Variants in XAF1 observed in about 807,000 individuals in gnomAD.
XAF1 encodes the protein XIAP associated factor 1.
XAF1 carries 32 observed loss-of-function variants against 32.3 expected under a neutral mutation model. That is an observed-to-expected ratio of 0.99 (90% confidence interval 0.75 to 1.33). The LOEUF (loss-of-function observed/expected upper bound fraction) is 1.33. Ranked by LOEUF, XAF1 falls within the 40% of genes most tolerant of loss-of-function variation. The pLI, the probability that XAF1 is intolerant of heterozygous loss-of-function variation, is 0.00. For synonymous variants in XAF1, 120 were observed against 125.9 expected (o/e 0.95, Z 0.31); for missense variants, 379 against 366.0 (o/e 1.04, Z -0.29).
At chr17:6,758,413 A>G in intron 2 of XAF1, 189 bp downstream of exon 2, 1 of 837,628 alleles carries the variant, frequency 1.2e-6, no homozygotes, top group East Asian at 2.8e-5. Flanking sequence ...AGTCAAGGCG[A>G]GTGTTCAGTC....
rs1300285412 is a variant in XAF1 at position 6,762,188 on chromosome 17, A to G, written c.455A>G (p.Tyr152Cys). The G allele has an allele frequency of 6.2e-6, 10 of 1,613,802 alleles. No homozygotes were observed. Among genetic ancestry groups the G allele is most frequent in the Non-Finnish European group, 8.5e-6 (10 of 1,179,820 alleles). The change falls in exon 5 of 7, where the codon TAC (tyrosine) becomes TGC (cysteine). Residue 152 changes from tyrosine to cysteine, a missense_variant. By Grantham distance (194) the Tyr-to-Cys change is radical. Transcript: ENST00000361842. ...ERISAPEREIYCHYCNQMIPE... is the reference protein window; with the variant it reads ...ERISAPEREICCHYCNQMIPE... ...ATTTCAGCTCCTGAAAGGGAAATCT[A>G]CTGTCATTATTGCAACCAAATGATT... is the stretch of plus-strand genomic sequence containing the variant.
chr17:6,758,997 C>A, intron 2 of XAF1: 1 of 356,254 alleles, frequency 2.8e-6, no homozygotes, highest in Non-Finnish European at 4.4e-6. Flanking sequence ...GTTCCATCCT[C>A]CCTGCAAGAA....
chr17:6,763,397 G>A (rs1452924558), intron 5 of XAF1, among the ~76,000 whole-genome samples: 17 of 152,034 alleles, frequency 1.1e-4, no homozygotes, highest in Middle Eastern at 3.4e-3. Context: ...GCGTGATCTC[G>A]GCTCACTGCA....
chr17:6,760,131 C>T (rs577208967), intron 3 of XAF1, among the ~76,000 whole-genome samples: 5 of 152,140 alleles, frequency 3.3e-5, no homozygotes, highest in African/African-American at 7.2e-5. Flanking sequence ...GGGTGGATCA[C>T]GAGGTCAGGA....
At chr17:6,770,591 A>G (rs903041385) in intron 5 of XAF1, 52 bp from the exon 6 acceptor site, 21 of 1,426,624 alleles carry the variant, frequency 1.5e-5, no homozygotes, top group Non-Finnish European at 1.8e-5. Context: ...GTATTTTCTG[A>G]CCATTAAAGC....
At chr17:6,764,214 A>G (rs1361671447) in intron 5 of XAF1, among the ~76,000 whole-genome samples, 1 of 152,228 alleles carries the variant, frequency 6.6e-6, no homozygotes, top group Non-Finnish European at 1.5e-5. Flanking sequence ...AAAAGAAGAC[A>G]TCCACAACCA....
Position 6,770,849 on chromosome 17 carries a change from C to T in XAF1, c.714C>T (p.Thr238=), listed in dbSNP as rs745889233. The T allele has an allele frequency of 2.2e-5, 35 of 1,613,954 alleles. No homozygotes were observed. In the South Asian group the frequency reaches 3.2e-4, roughly 15 times the overall value. The change falls in exon 6 of 7, where the codon ACC becomes ACT. Residue 238 remains threonine, a synonymous_variant. Transcript: ENST00000361842. ...SKKAPRSKNK[T]LDPLLMSEPK... is the part of the protein sequence containing the mutation. ...AAGCACCAAGAAGCAAAAACAAAAC[C>T]TTGGATCCACTTTTGATGTCAGAGC...
intron 4 of XAF1, chr17:6,761,933 G>T: frequency 6.6e-7 from 1 of 1,515,104 alleles, no homozygotes; most frequent in Non-Finnish European, 8.8e-7. Context: ...GGTTGCTGCT[G>T]CCCTGAGTGC....
chr17:6,765,683 ACTTCTCT>A, intron 5 of XAF1, among the ~76,000 whole-genome samples: 1 of 152,034 alleles, frequency 6.6e-6, no homozygotes, highest in Non-Finnish European at 1.5e-5. Flanking sequence ...TTCACTCTCG[ACTTCTCT>A]TTCCCTCCGC....
At chr17:6,755,490 G>A (rs1254599895), upstream of XAF1, 74 of 987,554 alleles carry the variant, frequency 7.5e-5, no homozygotes, top group Non-Finnish European at 8.8e-5. Flanking sequence ...TGTTTCTAGG[G>A]TCTGGAAAAA....
intron 4 of XAF1, 32 bp downstream of exon 4, chr17:6,760,633 G>A (rs201531241): frequency 3.0e-5 from 47 of 1,585,608 alleles, no homozygotes; most frequent in East Asian, 2.9e-4. Flanking sequence ...GAAGAGAGAC[G>A]TTCCAAGGGC....
rs115086812 is a variant in XAF1 at position 6,759,884 on chromosome 17, T to C, written c.225+166T>C. Reference sequence around the variant, plus strand: ...AACTAGCCCACCGCATAACACAGGTTCTCCTGTCCCCCAGATACTGATCAG... The same window carrying C: ...AACTAGCCCACCGCATAACACAGGTCCTCCTGTCCCCCAGATACTGATCAG... On this transcript the variant is annotated intron_variant, in intron 3 of 6. Coordinates refer to ENST00000361842, the MANE Select transcript of XAF1 (RefSeq NM_017523.5). 1,257 of 1,163,204 alleles carry C rather than the reference T, an allele frequency of 1.1e-3. 14 individuals are homozygous for C. The African/African-American group carries it at 0.017, about 16-fold the overall frequency. The allele number at this position is 1,163,204 out of a possible 1,614,324, so 72.1% of individuals were successfully genotyped here. A position where few individuals can be genotyped will look rare whatever the true frequency, so the allele number is the denominator to read the frequency against.
At chr17:6,755,611 C>G, upstream of XAF1, 1 of 1,013,646 alleles carries the variant, frequency 9.9e-7, no homozygotes. Flanking sequence ...GCCTGGAAGT[C>G]CAGGAGCCAT....
chr17:6,759,790 G>A (rs1003909026), intron 3 of XAF1, 72 bp downstream of exon 3: 52 of 1,610,654 alleles, frequency 3.2e-5, no homozygotes, highest in African/African-American at 2.7e-5. Flanking sequence ...AAGGGGAAAC[G>A]GGAGGCCAGT....
Position 6,758,204 on chromosome 17 carries a change from T to G in XAF1, c.148T>G (p.Cys50Gly), listed in dbSNP as rs1342969890. Residue 50 changes from cysteine to glycine, a missense_variant, in exon 2 of 7, where the codon TGC becomes GGC. Physicochemically the swap from Cys to Gly is radical, Grantham distance 159 (BLOSUM62 -3). Transcript: ENST00000361842. ...CCCCAAGGAAACCATGGAGGAGCAC[T>G]GCAAGCTTGAGCACCAGCAGGTGAG... is the stretch of plus-strand genomic sequence containing the variant. ...PVPKETMEEH[C>G]KLEHQQVGCT... The G allele has an allele frequency of 3.1e-6, 5 of 1,614,176 alleles. No homozygotes were observed. Among genetic ancestry groups the G allele is most frequent in the Non-Finnish European group, 4.2e-6 (5 of 1,180,034 alleles).
In XAF1 at chr17:6,756,096, G is replaced by A. The variant is rs758352746; in HGVS notation, c.18G>A (p.Ser6=). The change falls in exon 1 of 7, where the codon TCG becomes TCA. Residue 6 remains serine (S), a synonymous_variant. Transcript: ENST00000361842. MEGDF[S]VCRNCKRHVV... is the part of the protein sequence containing the mutation. ...AGCAGAACATGGAAGGAGACTTCTCGGTGTGCAGGAACTGGTAAGAAAGTG... is the reference window on the plus strand; with the variant it reads ...AGCAGAACATGGAAGGAGACTTCTCAGTGTGCAGGAACTGGTAAGAAAGTG... 3.7e-6 allele frequency: 6 copies of A among 1,613,986 alleles called. No homozygotes were observed. Among genetic ancestry groups the A allele is most frequent in the South Asian group, 3.3e-5 (3 of 91,038 alleles).
chr17:6,775,323 G>A lies in XAF1; in HGVS notation c.*2154G>A, dbSNP rs1207070885. The stretch of plus-strand genomic sequence containing the variant: ...TGAGGATCAAAAAACTACCTATCTG[G>A]TACTATGCTTTTTATCTGGATGATG... On this transcript the variant is annotated 3_prime_UTR_variant, in exon 7 of 7. Coordinates refer to ENST00000361842, the MANE Select transcript of XAF1 (RefSeq NM_017523.5). 3 of 152,004 alleles carry A rather than the reference G, an allele frequency of 2.0e-5. No homozygotes were observed. Among genetic ancestry groups the A allele is most frequent in the Non-Finnish European group, 2.9e-5 (2 of 68,014 alleles). The allele number at this position is 152,004 out of a possible 1,614,324, so 9.4% of individuals were successfully genotyped here.
Position 6,756,050 on chromosome 17 carries a change from C to T in XAF1, c.-29C>T. On this transcript the variant is annotated 5_prime_UTR_variant, in exon 1 of 7. Coordinates refer to ENST00000361842, the MANE Select transcript of XAF1 (RefSeq NM_017523.5). ...GTTTCCTTGCCTGCAAGAAACGAAACTCAACCGAAAGCCTGCAGAGAGCAG... is the reference window on the plus strand; with the variant it reads ...GTTTCCTTGCCTGCAAGAAACGAAATTCAACCGAAAGCCTGCAGAGAGCAG... The T allele has an allele frequency of 6.2e-7, 1 of 1,613,780 alleles. No homozygotes were observed.
At chr17:6,769,031 C>G (rs1211229088) in intron 5 of XAF1, among the ~76,000 whole-genome samples, 1 of 119,506 alleles carries the variant, frequency 8.4e-6, no homozygotes, top group Non-Finnish European at 1.6e-5. Context: ...ATTCTAGCTT[C>G]ATGACTCTCT....
Sources: gnomAD v4.1 joint callset for allele counts (sites outside exome capture counted in the v4.1 genomes callset) on GRCh38, gnomAD v4.1.1 for gene constraint, MANE v1.5 for transcripts, NCBI Gene and HGNC (gene_info 2026-07-23, HGNC 2026-07-21) for gene names.